Variants in FAM13A observed in about 807,000 individuals in gnomAD.
FAM13A encodes the protein family with sequence similarity 13 member A, also known as protein FAM13A.
A neutral mutation model predicts 129.6 loss-of-function variants in FAM13A; 76 were observed. The observed-to-expected ratio is 0.59, with a 90% confidence interval of 0.49 to 0.71. FAM13A has a LOEUF of 0.71. Ranked by LOEUF, FAM13A falls within the 30% of genes least tolerant of loss-of-function variation. The pLI is 0.00. For missense variants in FAM13A, 1,108 were observed against 1,249.3 expected (o/e 0.89, Z 1.70); for synonymous variants, 443 against 449.9 (o/e 0.98, Z 0.20).
chr4:89,010,266 T>C (rs1361276867), intron 3 of FAM13A, among the ~76,000 whole-genome samples: 2 of 152,184 alleles, frequency 1.3e-5, no homozygotes, highest in Admixed American at 6.5e-5. Flanking sequence ...CCCCATTCCT[T>C]TGGAGTCTGT....
At chr4:89,024,814 A>G (rs1040396439) in intron 2 of FAM13A, among the ~76,000 whole-genome samples, 1 of 152,228 alleles carries the variant, frequency 6.6e-6, no homozygotes, top group African/African-American at 2.4e-5. Flanking sequence ...AATTAACTAC[A>G]TAGCCTTTCA....
chr4:89,040,884 T>A (rs192008777), intron 1 of FAM13A, among the ~76,000 whole-genome samples: 3 of 152,312 alleles, frequency 2.0e-5, no homozygotes, highest in Admixed American at 6.5e-5. Flanking sequence ...TCTAATCAGC[T>A]GCCAGCAGAG....
intron 6 of FAM13A, among the ~76,000 whole-genome samples, chr4:88,878,856 G>A (rs972693386): frequency 6.6e-6 from 1 of 152,158 alleles, no homozygotes; most frequent in Non-Finnish European, 1.5e-5. Flanking sequence ...CAAACTTATG[G>A]AGCCTGATAG....
chr4:88,808,120 A>C (rs732880), intron 7 of FAM13A, among the ~76,000 whole-genome samples: 77,914 of 151,972 alleles, frequency 0.51, 20,191 homozygotes, highest in East Asian at 0.69. Flanking sequence ...GCTTATTTCT[A>C]TTTTCCCTTT....
intron 13 of FAM13A, among the ~76,000 whole-genome samples, chr4:88,764,011 A>C (rs1351658638): frequency 6.6e-6 from 1 of 152,222 alleles, no homozygotes; most frequent in Non-Finnish European, 1.5e-5. Flanking sequence ...TCAAAATAAC[A>C]GTCATCCATT....
At chr4:88,843,007 G>T (rs145527868) in intron 7 of FAM13A, among the ~76,000 whole-genome samples, 1 of 152,212 alleles carries the variant, frequency 6.6e-6, no homozygotes, top group Non-Finnish European at 1.5e-5. Flanking sequence ...ATTTTACATA[G>T]ATATTTCACT....
chr4:88,905,235 A>T (rs1747959076), intron 6 of FAM13A, among the ~76,000 whole-genome samples: 1 of 152,002 alleles, frequency 6.6e-6, no homozygotes, highest in African/African-American at 2.4e-5. Flanking sequence ...AGGTTCAAGC[A>T]ATTCTTTCTG....
rs933011669 is a variant in FAM13A at position 88,795,006 on chromosome 4, C to T, written c.1050-4379G>A. Among the ~76,000 whole-genome samples, 9 of 151,840 alleles carry T rather than the reference C, an allele frequency of 5.9e-5. No homozygotes were observed. In the East Asian group the frequency reaches 1.7e-3, roughly 29 times the overall value. On this transcript the variant is annotated intron_variant, in intron 8 of 23. Coordinates refer to ENST00000264344, the MANE Select transcript of FAM13A (RefSeq NM_014883.4). ...TTAGTGCATTCTTCATAGTGTCATA[C>T]ATTAAAACAATTCAATCCTCAATAT...
intron 5 of FAM13A, among the ~76,000 whole-genome samples, chr4:88,923,923 A>G (rs1375982219): frequency 1.3e-5 from 2 of 152,190 alleles, no homozygotes; most frequent in East Asian, 3.9e-4. Context: ...ACAAACAGAG[A>G]GCCAAATCAT....
At chr4:88,946,099 G>T (rs1424325207) in intron 4 of FAM13A, among the ~76,000 whole-genome samples, 1 of 146,940 alleles carries the variant, frequency 6.8e-6, no homozygotes, top group Non-Finnish European at 1.5e-5. Context: ...CATAGTACAT[G>T]CCATACCTTA....
rs559082288 is a variant in FAM13A at position 88,881,763 on chromosome 4, AATAG to A, written c.843+24612_843+24615del. ...ATATGAAGGGAAAAATCTTCAGTGA[AATAG>A]ATAGCATAAATAAAAAACAATCACA... On this transcript the variant is annotated intron_variant, in intron 6 of 23. Coordinates refer to ENST00000264344, the MANE Select transcript of FAM13A (RefSeq NM_014883.4). Among the ~76,000 whole-genome samples, 298 of 152,314 alleles carry A rather than the reference AATAG, an allele frequency of 2.0e-3. 2 individuals carry two copies. The highest frequency in any genetic ancestry group is 6.6e-3 in the African/African-American group (274 of 41,578).
At chr4:88,897,305 G>C (rs1320845624) in intron 6 of FAM13A, among the ~76,000 whole-genome samples, 1 of 152,228 alleles carries the variant, frequency 6.6e-6, no homozygotes, top group African/African-American at 2.4e-5. Context: ...ACACGAGTAA[G>C]TCCTTGAGCT....
intron 7 of FAM13A, among the ~76,000 whole-genome samples, chr4:88,837,460 A>C (rs944735004): frequency 6.6e-6 from 1 of 151,316 alleles, no homozygotes; most frequent in African/African-American, 2.4e-5. Flanking sequence ...TCACGCCTGT[A>C]ATCCCACCAC....
chr4:88,921,470 G>C (rs867796814), intron 5 of FAM13A, among the ~76,000 whole-genome samples: 1 of 152,244 alleles, frequency 6.6e-6, no homozygotes, highest in African/African-American at 2.4e-5. Context: ...AAGTGAAGGA[G>C]AAATAAAATC....
At position 88,846,547 on chromosome 4, in the gene FAM13A, C is replaced by G. The variant is rs1456769400; in HGVS notation, c.1007+4473G>C. ...TTAAAATGTAACAAACATTAACTCT[C>G]TCTACAGACAGCATTGGCTTAATAA... On this transcript the variant is annotated intron_variant, in intron 7 of 23. Transcript: ENST00000264344. Among the ~76,000 whole-genome samples, 3 of 152,234 alleles carry G rather than the reference C, an allele frequency of 2.0e-5. No individual in the cohort carries two copies. The East Asian group carries it at 5.8e-4, about 29-fold the overall frequency.
Position 88,938,043 on chromosome 4 carries a change from T to C in FAM13A, c.759+45A>G, listed in dbSNP as rs536086818. 17 of 1,467,130 alleles carry C rather than the reference T, an allele frequency of 1.2e-5. No homozygotes were observed. In the East Asian group the frequency reaches 3.9e-4, roughly 33 times the overall value. The allele number at this position is 1,467,130 out of a possible 1,614,324, so 90.9% of individuals were successfully genotyped here. A position where few individuals can be genotyped will look rare whatever the true frequency, so the allele number is the denominator to read the frequency against. ...AGAAAGAATTAAATAAAATCTTCTGTCCAAAATTATAGCAATACTGAAAAT... is the reference window on the plus strand; with the variant it reads ...AGAAAGAATTAAATAAAATCTTCTGCCCAAAATTATAGCAATACTGAAAAT... On this transcript the variant is annotated intron_variant, in intron 5 of 23. Transcript: ENST00000264344.
At chr4:88,850,380 C>T (rs1358659297) in intron 7 of FAM13A, among the ~76,000 whole-genome samples, 1 of 151,814 alleles carries the variant, frequency 6.6e-6, no homozygotes, top group Non-Finnish European at 1.5e-5. Context: ...CAAGGTGAAA[C>T]CCCATCTCTA....
chr4:88,830,479 A>C (rs1206413888), intron 7 of FAM13A, among the ~76,000 whole-genome samples: 1 of 152,208 alleles, frequency 6.6e-6, no homozygotes, highest in Admixed American at 6.5e-5. Flanking sequence ...CCAAAATAAA[A>C]ACAATAAAAT....
chr4:88,877,513 G>T (rs1436384195), intron 6 of FAM13A, among the ~76,000 whole-genome samples: 1 of 152,144 alleles, frequency 6.6e-6, no homozygotes, highest in East Asian at 1.9e-4. Context: ...AAAACAAAAT[G>T]CTTGCAAAAT....
Sources: gnomAD v4.1 joint callset for allele counts (sites outside exome capture counted in the v4.1 genomes callset) on GRCh38, gnomAD v4.1.1 for gene constraint, MANE v1.5 for transcripts, NCBI Gene and HGNC (gene_info 2026-07-23, HGNC 2026-07-21) for gene names.